The following DOCK3 variants were observed in gnomAD, a reference collection of about 807,000 sequenced individuals.
DOCK3 encodes dedicator of cytokinesis protein 3.
In DOCK3, 60 loss-of-function variants were observed where a neutral mutation model predicts 265.6. That is an observed-to-expected ratio of 0.23 (90% CI 0.18 to 0.28). The LOEUF (loss-of-function observed/expected upper bound fraction) is 0.28. DOCK3 is among the 10% of genes least tolerant of loss of function. The probability of loss-of-function intolerance (pLI) is 1.00; values close to 1 mark genes in which losing one functional copy is unlikely to be tolerated. For synonymous variants in DOCK3, 881 were observed against 938.0 expected, an observed-to-expected ratio of 0.94 and a Z score of 1.11; for missense variants, 1,981 against 2,594.3, an observed-to-expected ratio of 0.76 and a Z score of 5.14.
At chr3:51,305,903 A>G (rs1192566136) in intron 27 of DOCK3, among the ~76,000 whole-genome samples, 4 of 135,824 alleles carry the variant, frequency 2.9e-5, no homozygotes, top group Admixed American at 2.4e-4. Flanking sequence ...CTGTGGCACA[A>G]TCATAGCTCA....
chr3:50,903,666 AT>A, intron 4 of DOCK3, among the ~76,000 whole-genome samples: 1 of 152,224 alleles, frequency 6.6e-6, no homozygotes, highest in East Asian at 1.9e-4. Flanking sequence ...GTATCAAAAT[AT>A]TGCTGGCCTC....
At chr3:50,901,316 C>T (rs2049181696) in intron 4 of DOCK3, among the ~76,000 whole-genome samples, 1 of 152,046 alleles carries the variant, frequency 6.6e-6, no homozygotes, top group Admixed American at 6.6e-5. Flanking sequence ...TGGCAGACAC[C>T]CCTCCCCCCA....
intron 4 of DOCK3, chr3:50,900,648 G>A: frequency 2.2e-6 from 1 of 446,452 alleles, no homozygotes; most frequent in East Asian, 7.6e-5. Flanking sequence ...GTGACCTTCA[G>A]ATGGGGTTTC....
chr3:51,257,291 C>T (rs2079600594), intron 22 of DOCK3, among the ~76,000 whole-genome samples: 1 of 152,198 alleles, frequency 6.6e-6, no homozygotes, highest in African/African-American at 2.4e-5. Flanking sequence ...CCTTCTTCTT[C>T]ATAGGATGCA....
At chr3:50,763,226 T>C (rs763229003) in intron 1 of DOCK3, among the ~76,000 whole-genome samples, 6 of 152,190 alleles carry the variant, frequency 3.9e-5, no homozygotes, top group Non-Finnish European at 5.9e-5. Flanking sequence ...GCATTGTGAT[T>C]ACTGCCTCAA....
chr3:51,056,655 A>T (rs2081213105), intron 5 of DOCK3, among the ~76,000 whole-genome samples: 1 of 152,226 alleles, frequency 6.6e-6, no homozygotes, highest in South Asian at 2.1e-4. Flanking sequence ...AACATCTAGA[A>T]TAGGATTAGA....
intron 7 of DOCK3, among the ~76,000 whole-genome samples, chr3:51,086,219 G>A (rs887424450): frequency 6.6e-6 from 1 of 152,220 alleles, no homozygotes; most frequent in South Asian, 2.1e-4. Context: ...TCTGCAGCAG[G>A]AGCATGTCCT....
At chr3:51,273,846 G>A (rs1316244256) in intron 24 of DOCK3, among the ~76,000 whole-genome samples, 3 of 152,192 alleles carry the variant, frequency 2.0e-5, no homozygotes, top group Admixed American at 2.0e-4. Flanking sequence ...GATATGATGG[G>A]ACCTGCAGAG....
chr3:51,207,723 T>G (rs2089292165), intron 12 of DOCK3, among the ~76,000 whole-genome samples: 1 of 152,152 alleles, frequency 6.6e-6, no homozygotes, highest in African/African-American at 2.4e-5. Flanking sequence ...TAACTCTTAC[T>G]GGGGTCTCCT....
intron 15 of DOCK3, among the ~76,000 whole-genome samples, chr3:51,226,984 A>C (rs1234708797): frequency 6.6e-6 from 1 of 152,138 alleles, no homozygotes; most frequent in African/African-American, 2.4e-5. Flanking sequence ...AGTGAGGATG[A>C]GGAGCCTACC....
chr3:50,829,040 C>G (rs1310250018), intron 2 of DOCK3, among the ~76,000 whole-genome samples: 1 of 152,116 alleles, frequency 6.6e-6, no homozygotes, highest in Non-Finnish European at 1.5e-5. Context: ...TATCTCTTTA[C>G]CATGCTTTTA....
intron 7 of DOCK3, among the ~76,000 whole-genome samples, chr3:51,078,974 A>T (rs947334900): frequency 6.6e-6 from 1 of 152,212 alleles, no homozygotes; most frequent in Non-Finnish European, 1.5e-5. Context: ...AACAATTATA[A>T]GAGTCCACAC....
rs774980441 is a variant in DOCK3, at chr3:51,160,546, G to C, written c.890-9G>C. 1.9e-6 allele frequency: 3 copies of C among 1,600,584 alleles called. No homozygotes were observed. The highest frequency in any genetic ancestry group is 2.6e-6 in the Non-Finnish European group (3 of 1,175,054). On this transcript the variant is annotated splice_polypyrimidine_tract_variant and intron_variant, in intron 11 of 52. Coordinates refer to ENST00000266037, the MANE Select transcript of DOCK3 (RefSeq NM_004947.5). ...CTCAGTCTGACTGGTGTTTTCTGCT[G>C]TGCCCAAGGCCGGATGCTCCTGAAC...
At chr3:51,331,541 T>C (rs183357866) in intron 33 of DOCK3, among the ~76,000 whole-genome samples, 1 of 151,540 alleles carries the variant, frequency 6.6e-6, no homozygotes, top group Admixed American at 6.6e-5. Flanking sequence ...TTTTGGAAGA[T>C]GTTTGTAGGT....
intron 1 of DOCK3, among the ~76,000 whole-genome samples, chr3:50,720,190 G>A (rs1275231953): frequency 6.6e-6 from 1 of 151,748 alleles, no homozygotes; most frequent in Non-Finnish European, 1.5e-5. Flanking sequence ...TTTTTATATA[G>A]GTAAATTGCG....
At chr3:51,160,529 G>C (rs1318142910) in intron 11 of DOCK3, 26 bp from the exon 12 acceptor site, 1 of 1,589,348 alleles carries the variant, frequency 6.3e-7, no homozygotes, top group Non-Finnish European at 8.5e-7. Context: ...TTCTCAGTCT[G>C]ACTGGTGTTT....
chr3:51,210,056 G>A (rs754436710), intron 13 of DOCK3, among the ~76,000 whole-genome samples: 2 of 152,166 alleles, frequency 1.3e-5, no homozygotes, highest in African/African-American at 2.4e-5. Context: ...TATTTGTCAT[G>A]TTCTTTGGTT....
At chr3:50,690,976 A>G (rs747218090) in intron 1 of DOCK3, among the ~76,000 whole-genome samples, 3 of 151,656 alleles carry the variant, frequency 2.0e-5, no homozygotes, top group Non-Finnish European at 4.4e-5. Flanking sequence ...ACTATTCTAG[A>G]TAACTCATAT....
intron 5 of DOCK3, among the ~76,000 whole-genome samples, chr3:51,045,471 C>A (rs1044846000): frequency 4.6e-5 from 7 of 152,060 alleles, no homozygotes; most frequent in African/African-American, 2.4e-5. Context: ...TGAAATATTG[C>A]AAGAATTACC....
Sources: allele counts gnomAD v4.1 joint callset (sites outside exome capture counted in the v4.1 genomes callset), GRCh38; gene constraint gnomAD v4.1.1; transcripts MANE v1.5; gene names NCBI Gene and HGNC (gene_info 2026-07-23, HGNC 2026-07-21).